GAS2: variants seen among roughly 807,000 people sequenced by gnomAD.
The protein encoded by GAS2 is growth arrest specific 2, also known as growth arrest-specific protein 2.
A neutral mutation model predicts 37.5 loss-of-function variants in GAS2; 20 were observed. The observed-to-expected ratio is 0.53, with a 90% CI of 0.37 to 0.77. The LOEUF (loss-of-function observed/expected upper bound fraction) is 0.77. Ranked by LOEUF, GAS2 falls within the 30% of genes least tolerant of loss-of-function variation. GAS2 has a pLI of 0.00. For missense variants in GAS2, 336 were observed against 373.4 expected, an observed-to-expected ratio of 0.90 and a Z score of 0.82; for synonymous variants, 144 against 132.2, an observed-to-expected ratio of 1.09 and a Z score of -0.61.
chr11:22,768,384 C>A (rs2134411692), intron 7 of GAS2, among the ~76,000 whole-genome samples: 1 of 152,292 alleles, frequency 6.6e-6, no homozygotes, highest in East Asian at 1.9e-4. Context: ...AGGTGTTATT[C>A]ATCTCCCAAT....
At chr11:22,626,968 T>A (rs933727892) in intron 1 of GAS2, among the ~76,000 whole-genome samples, 2 of 152,212 alleles carry the variant, frequency 1.3e-5, no homozygotes, top group Non-Finnish European at 2.9e-5. Flanking sequence ...AATTTTTGTA[T>A]TTTTAGTAGA....
At chr11:22,702,805 A>G (rs1850915152) in intron 3 of GAS2, among the ~76,000 whole-genome samples, 1 of 152,098 alleles carries the variant, frequency 6.6e-6, no homozygotes, top group Non-Finnish European at 1.5e-5. Context: ...CTCTGCTGAG[A>G]ATCTACATAT....
chr11:22,637,086 TAA>T (rs1180061589), intron 1 of GAS2, among the ~76,000 whole-genome samples: 4 of 131,388 alleles, frequency 3.0e-5, no homozygotes, highest in Non-Finnish European at 6.2e-5. Flanking sequence ...ATTAATATAA[TAA>T]GTAATATTGT....
chr11:22,664,027 A>G (rs1352763784), upstream of GAS2, among the ~76,000 whole-genome samples: 5 of 152,158 alleles, frequency 3.3e-5, no homozygotes, highest in South Asian at 2.1e-4. Flanking sequence ...ATACCATTGC[A>G]TGTCTTCATA....
At chr11:22,770,880 T>C (rs751142490) in intron 7 of GAS2, among the ~76,000 whole-genome samples, 7 of 152,200 alleles carry the variant, frequency 4.6e-5, no homozygotes, top group Non-Finnish European at 1.0e-4. Context: ...CCTTTCTTCA[T>C]TGAAGACGGA....
intron 6 of GAS2, 134 bp from the exon 7 acceptor site, chr11:22,755,712 T>A (rs1447314243): frequency 1.7e-6 from 1 of 605,464 alleles, no homozygotes; most frequent in African/African-American, 1.9e-5. Context: ...GATATTCCTA[T>A]GCTCACATGA....
At chr11:22,738,498 A>T (rs541491655) in intron 5 of GAS2, among the ~76,000 whole-genome samples, 3 of 152,354 alleles carry the variant, frequency 2.0e-5, no homozygotes, top group South Asian at 4.1e-4. Context: ...AGAAATGAAG[A>T]TACAAATGTT....
At chr11:22,698,221 T>G (rs911662640) in intron 3 of GAS2, among the ~76,000 whole-genome samples, 1 of 152,120 alleles carries the variant, frequency 6.6e-6, no homozygotes, top group African/African-American at 2.4e-5. Flanking sequence ...CAAACTACCA[T>G]CAGAGAATAC....
chr11:22,716,738 C>T (rs1327561621), intron 3 of GAS2, among the ~76,000 whole-genome samples: 1 of 151,576 alleles, frequency 6.6e-6, no homozygotes, highest in African/African-American at 2.4e-5. Context: ...GATGATATAC[C>T]TAGAAAACCC....
chr11:22,759,550 G>A lies in GAS2; in HGVS notation c.723+3597G>A, dbSNP rs138568421. On this transcript the variant is annotated intron_variant, in intron 7 of 7. Coordinates refer to ENST00000454584, the MANE Select transcript of GAS2 (RefSeq NM_001143830.3). ...CTGGTACTTTCCAAAGAGCAACATT[G>A]TTTTTTTGAACTATCAAATGCAGCT... Among the ~76,000 whole-genome samples, 550 of 152,192 alleles carry A rather than the reference G, an allele frequency of 3.6e-3. 3 individuals are homozygous for A. The highest frequency in any genetic ancestry group is 0.012 in the African/African-American group (512 of 41,518).
chr11:22,718,841 G>C (rs1423883245), intron 3 of GAS2, among the ~76,000 whole-genome samples: 1 of 151,674 alleles, frequency 6.6e-6, no homozygotes, highest in Non-Finnish European at 1.5e-5. Context: ...ACGATTAGTT[G>C]GGAGAAAAGA....
intron 3 of GAS2, among the ~76,000 whole-genome samples, chr11:22,697,819 G>T (rs1317703797): frequency 1.3e-5 from 2 of 152,150 alleles, no homozygotes; most frequent in Non-Finnish European, 2.9e-5. Context: ...TGCTGAAGTT[G>T]TTTATCAGCT....
intron 7 of GAS2, among the ~76,000 whole-genome samples, chr11:22,778,131 A>G (rs1041421054): frequency 7.2e-5 from 11 of 152,212 alleles, no homozygotes; most frequent in African/African-American, 9.6e-5. Context: ...TTAGTTGAAA[A>G]GTAATCTTTC....
Position 22,675,023 on chromosome 11 carries a change from A to C in GAS2, c.145+9A>C. On this transcript the variant is annotated intron_variant, in intron 2 of 7. Transcript: ENST00000454584. The stretch of plus-strand genomic sequence containing the variant: ...GTTAACCAATCTATTAGGTAAGGTT[A>C]TAAGATCTCATTTTGTGAGCAAAGA... 6.2e-7 allele frequency: 1 copy of C among 1,611,758 alleles called. No homozygotes were observed. The highest frequency in any genetic ancestry group is 8.5e-7 in the Non-Finnish European group (1 of 1,178,942).
chr11:22,673,291 A>G (rs1413907774), intron 1 of GAS2, among the ~76,000 whole-genome samples: 2 of 152,198 alleles, frequency 1.3e-5, no homozygotes, highest in Non-Finnish European at 2.9e-5. Flanking sequence ...AGTGAATTAG[A>G]GTTTGAGGTT....
At chr11:22,726,086 A>G (rs560169980) in intron 3 of GAS2, among the ~76,000 whole-genome samples, 1 of 152,218 alleles carries the variant, frequency 6.6e-6, no homozygotes, top group South Asian at 2.1e-4. Context: ...TACTAAAAAG[A>G]AAAGGATATG....
chr11:22,708,458 T>C (rs947209710), intron 3 of GAS2, among the ~76,000 whole-genome samples: 5 of 152,132 alleles, frequency 3.3e-5, no homozygotes, highest in Non-Finnish European at 7.4e-5. Context: ...ATAACCCTCA[T>C]AGCAACGTCA....
chr11:22,741,120 G>A (rs1388204196), intron 5 of GAS2, among the ~76,000 whole-genome samples: 1 of 152,168 alleles, frequency 6.6e-6, no homozygotes, highest in African/African-American at 2.4e-5. Context: ...GGACACTTAG[G>A]AAGCTCCTTT....
intron 7 of GAS2, among the ~76,000 whole-genome samples, chr11:22,773,708 C>T (rs1353914932): frequency 6.6e-6 from 1 of 152,114 alleles, no homozygotes; most frequent in Non-Finnish European, 1.5e-5. Context: ...GAAATGTTTT[C>T]TCTCTGAAGC....
Sources: allele counts gnomAD v4.1 joint callset (sites outside exome capture counted in the v4.1 genomes callset), GRCh38; gene constraint gnomAD v4.1.1; transcripts MANE v1.5; gene names NCBI Gene and HGNC (gene_info 2026-07-23, HGNC 2026-07-21).